The following USP12 variants were observed in gnomAD, a reference collection of about 807,000 sequenced individuals.
The protein encoded by USP12 is ubiquitin specific peptidase 12.
In USP12, 19 loss-of-function variants were observed where a neutral mutation model predicts 45.5. The observed-to-expected ratio is 0.42, with a 90% CI of 0.29 to 0.61. USP12 has a LOEUF of 0.61. USP12 is among the 20% of genes least tolerant of loss of function. The pLI, the probability that USP12 is intolerant of heterozygous loss-of-function variation, is 0.22. For synonymous variants in USP12, 149 were observed against 148.8 expected, an observed-to-expected ratio of 1.00 and a Z score of -0.01; for missense variants, 242 against 447.7, an observed-to-expected ratio of 0.54 and a Z score of 4.15.
chr13:27,142,359 T>C (rs900482833), intron 1 of USP12, among the ~76,000 whole-genome samples: 1 of 152,198 alleles, frequency 6.6e-6, no homozygotes, highest in African/African-American at 2.4e-5. Flanking sequence ...ACACTAAAAA[T>C]GTATGACAAA....
intron 1 of USP12, among the ~76,000 whole-genome samples, chr13:27,152,043 A>T: frequency 6.6e-6 from 1 of 152,206 alleles, no homozygotes; most frequent in African/African-American, 2.4e-5. Context: ...GAACAGCCAT[A>T]CACTGTTGGC....
chr13:27,103,607 A>ATAAT (rs1555234497), intron 3 of USP12, among the ~76,000 whole-genome samples: 117 of 128,506 alleles, frequency 9.1e-4, no homozygotes, highest in Admixed American at 1.4e-3. Flanking sequence ...TCAAAAAAAA[A>ATAAT]AATAATAATA....
chr13:27,131,511 C>T (rs759360176), intron 1 of USP12, among the ~76,000 whole-genome samples: 4 of 152,174 alleles, frequency 2.6e-5, no homozygotes, highest in Non-Finnish European at 2.9e-5. Context: ...AAGTGAGCAA[C>T]GTGATGGAAA....
chr13:27,129,241 AAGC>A lies in USP12; in HGVS notation c.49-12648_49-12646del, dbSNP rs59460436. Among the ~76,000 whole-genome samples, 117,513 of 151,918 alleles carry A rather than the reference AAGC, an allele frequency of 0.77. 48,507 individuals are homozygous for A. The highest frequency in any genetic ancestry group is 0.96 in the South Asian group (4,613 of 4,824). On this transcript the variant is annotated intron_variant, in intron 1 of 8. Transcript: ENST00000282344. The surrounding 1 kb of genome is among the most constrained non-coding windows in gnomAD (Gnocchi z 4.0). The stretch of plus-strand genomic sequence containing the variant: ...AAACCACAGTTAAGTGGAAAGAACA[AAGC>A]AGCATCTCTGCCAGTCCTGTTTTCT...
chr13:27,125,500 G>A (rs560996005), intron 1 of USP12, among the ~76,000 whole-genome samples: 89 of 152,228 alleles, frequency 5.8e-4, no homozygotes, highest in African/African-American at 2.1e-3. Flanking sequence ...CAAGATGGCC[G>A]AATAGGAACA....
At chr13:27,127,277 C>G (rs1876285904) in intron 1 of USP12, among the ~76,000 whole-genome samples, 1 of 152,148 alleles carries the variant, frequency 6.6e-6, no homozygotes, top group Non-Finnish European at 1.5e-5. Context: ...GTACACATGG[C>G]AGAAGCTTGC....
chr13:27,134,957 T>A (rs1876731110), intron 1 of USP12, among the ~76,000 whole-genome samples: 2 of 152,212 alleles, frequency 1.3e-5, no homozygotes, highest in Non-Finnish European at 2.9e-5. Context: ...TCACAGATGC[T>A]GAAGATATCT....
chr13:27,157,868 A>G (rs377530347), intron 1 of USP12, among the ~76,000 whole-genome samples: 11 of 152,274 alleles, frequency 7.2e-5, no homozygotes, highest in East Asian at 5.8e-4. Flanking sequence ...AGTTTGTATC[A>G]GTTTACATTA....
rs74041173 is a variant in USP12 at position 27,098,780 on chromosome 13, T to C, written c.344-2950A>G. Among the ~76,000 whole-genome samples the C allele has an allele frequency of 9.8e-3, 1,486 of 152,336 alleles. 30 individuals carry two copies. Among genetic ancestry groups the C allele is most frequent in the African/African-American group, 0.034 (1,417 of 41,574 alleles). Reference sequence around the variant, plus strand: ...GAAGTCTGAAAATATCCTAAATGTTTATCAACAGGAGAATGATTTATTTAA... The same window carrying C: ...GAAGTCTGAAAATATCCTAAATGTTCATCAACAGGAGAATGATTTATTTAA... On this transcript the variant is annotated intron_variant, in intron 3 of 8. Coordinates refer to ENST00000282344, the MANE Select transcript of USP12 (RefSeq NM_182488.4).
At position 27,088,633 on chromosome 13, in the gene USP12, G is replaced by A. The variant is rs967499637; in HGVS notation, c.734+1250C>T. 7.2e-5 allele frequency among the ~76,000 whole-genome samples: 11 copies of A among 152,108 alleles called. 1 individual carries two copies. Among genetic ancestry groups the A allele is most frequent in the African/African-American group, 1.9e-4 (8 of 41,414 alleles). On this transcript the variant is annotated intron_variant, in intron 6 of 8. Transcript: ENST00000282344. ...CATGGTAGGCAGAGGGTACCTACAT[G>A]ACTAGCCCCAAATAAAAACTCAGGG...
At chr13:27,148,676 T>TTATATATATATATATATATATA (rs59164229) in intron 1 of USP12, among the ~76,000 whole-genome samples, 4 of 139,448 alleles carry the variant, frequency 2.9e-5, no homozygotes, top group African/African-American at 1.1e-4. Context: ...AAAAAAAAAA[T>TTATATATATATATATATATATA]TATATATATA....
chr13:27,127,947 C>G (rs1876317159), intron 1 of USP12, among the ~76,000 whole-genome samples: 1 of 152,160 alleles, frequency 6.6e-6, no homozygotes, highest in African/African-American at 2.4e-5. Context: ...TTTTAACTTT[C>G]AAAAGTTCAA....
At chr13:27,094,056 C>A (rs1874444720) in intron 4 of USP12, among the ~76,000 whole-genome samples, 1 of 151,940 alleles carries the variant, frequency 6.6e-6, no homozygotes, top group Admixed American at 6.6e-5. Flanking sequence ...AAACTAGCAG[C>A]ACAACTGTCA....
intron 1 of USP12, among the ~76,000 whole-genome samples, chr13:27,131,319 G>A (rs940118998): frequency 3.3e-5 from 5 of 152,166 alleles, no homozygotes; most frequent in African/African-American, 1.2e-4. Flanking sequence ...GTGACTCTGG[G>A]TGAGTCACTT....
intron 3 of USP12, among the ~76,000 whole-genome samples, chr13:27,102,700 C>A (rs1874926360): frequency 6.6e-6 from 1 of 152,216 alleles, no homozygotes; most frequent in South Asian, 2.1e-4. Context: ...GAACTAGCAA[C>A]TCCCTCATCC....
intron 1 of USP12, chr13:27,117,779 A>G: frequency 1.9e-6 from 1 of 518,586 alleles, no homozygotes; most frequent in Non-Finnish European, 3.8e-6. Flanking sequence ...ACAGACAATC[A>G]TAGCGTGTCA....
At chr13:27,106,063 C>T (rs944635161) in intron 2 of USP12, 119 bp from the exon 3 acceptor site, 43 of 786,384 alleles carry the variant, frequency 5.5e-5, no homozygotes, top group Non-Finnish European at 8.3e-5. Flanking sequence ...GTTACTATAA[C>T]ACTGACTGCA....
At chr13:27,166,480 G>A (rs968014228) in intron 1 of USP12, among the ~76,000 whole-genome samples, 3 of 152,134 alleles carry the variant, frequency 2.0e-5, no homozygotes, top group African/African-American at 4.8e-5. Context: ...ATCAAATAAG[G>A]CAACAAGAAA....
rs1375713697 is a variant in USP12, at chr13:27,171,752, AC to A, written c.-114del. On this transcript the variant is annotated 5_prime_UTR_variant, in exon 1 of 9. Transcript: ENST00000282344. ...GCGGGCGGACCCCGAGCCGCCGCGG[AC>A]CCAACCACCGAGCCCGCTGGGCCGC... 2 of 575,122 alleles carry A rather than the reference AC, an allele frequency of 3.5e-6. No homozygotes were observed. Among genetic ancestry groups the A allele is most frequent in the East Asian group, 2.6e-4 (2 of 7,568 alleles). The allele number at this position is 575,122 out of a possible 1,614,324, so 35.6% of individuals were successfully genotyped here. A position where few individuals can be genotyped will look rare whatever the true frequency, so the allele number is the denominator to read the frequency against.
Sources: allele counts gnomAD v4.1 joint callset (sites outside exome capture counted in the v4.1 genomes callset), GRCh38; gene constraint gnomAD v4.1.1; non-coding constraint Gnocchi (gnomAD v3.1); transcripts MANE v1.5; gene names NCBI Gene and HGNC (gene_info 2026-07-23, HGNC 2026-07-21).